The following CNTNAP2 variants were observed in gnomAD, a reference collection of about 807,000 sequenced individuals.
CNTNAP2 encodes the protein contactin-associated protein-like 2.
CNTNAP2 carries 98 observed loss-of-function variants against 155.2 expected under a neutral mutation model. The observed-to-expected ratio is 0.63, with a 90% confidence interval of 0.54 to 0.75. The LOEUF (loss-of-function observed/expected upper bound fraction) is 0.75. CNTNAP2 is among the 30% of genes least tolerant of loss of function. The pLI, the probability that CNTNAP2 is intolerant of heterozygous loss-of-function variation, is 0.00. For synonymous variants in CNTNAP2, 651 were observed against 631.2 expected (o/e 1.03, Z -0.47); for missense variants, 1,727 against 1,688.1 (o/e 1.02, Z -0.40).
intron 8 of CNTNAP2, among the ~76,000 whole-genome samples, chr7:147,286,098 CA>C (rs1328427039): frequency 6.6e-6 from 1 of 151,980 alleles, no homozygotes; most frequent in Admixed American, 6.6e-5. Context: ...ATATTGTCTA[CA>C]ATGTGTCAAA....
At chr7:147,070,795 T>C (rs187030657) in intron 4 of CNTNAP2, among the ~76,000 whole-genome samples, 193 of 152,266 alleles carry the variant, frequency 1.3e-3, no homozygotes, top group African/African-American at 4.5e-3. Flanking sequence ...AATATACTCA[T>C]ATTGTTGGCT....
In CNTNAP2 at chr7:146,892,846, C is replaced by T. The variant is rs542037531; in HGVS notation, c.402+52942C>T. Among the ~76,000 whole-genome samples the T allele has an allele frequency of 1.0e-3, 157 of 152,190 alleles. 1 individual carries two copies. The highest frequency in any genetic ancestry group is 3.5e-3 in the African/African-American group (145 of 41,492). On this transcript the variant is annotated intron_variant, in intron 3 of 23. Coordinates refer to ENST00000361727, the MANE Select transcript of CNTNAP2 (RefSeq NM_014141.6). ...TACATTCAAATGATTCAATGTTACTCAATAAGTGAATGTTTGCAAAATTAT... is the reference window on the plus strand; with the variant it reads ...TACATTCAAATGATTCAATGTTACTTAATAAGTGAATGTTTGCAAAATTAT...
At chr7:147,960,469 T>C (rs1801097322) in intron 14 of CNTNAP2, among the ~76,000 whole-genome samples, 2 of 152,196 alleles carry the variant, frequency 1.3e-5, no homozygotes, top group African/African-American at 4.8e-5. Flanking sequence ...TTATAACACA[T>C]TTTAAATCTT....
At chr7:147,114,458 G>A (rs1800944404) in intron 5 of CNTNAP2, among the ~76,000 whole-genome samples, 2 of 152,156 alleles carry the variant, frequency 1.3e-5, no homozygotes, top group Admixed American at 1.3e-4. Flanking sequence ...TCTCTTTGAA[G>A]ATCTCTAAGA....
chr7:146,385,958 A>G (rs1333573948), intron 1 of CNTNAP2, among the ~76,000 whole-genome samples: 1 of 152,282 alleles, frequency 6.6e-6, no homozygotes, highest in South Asian at 2.1e-4. Flanking sequence ...TCATAAGCAT[A>G]TCACATACAA....
intron 15 of CNTNAP2, among the ~76,000 whole-genome samples, chr7:147,981,359 C>A (rs906004360): frequency 3.9e-5 from 6 of 152,206 alleles, no homozygotes; most frequent in Non-Finnish European, 7.3e-5. Flanking sequence ...ATAGTACAAA[C>A]ATTATAGGGA....
intron 1 of CNTNAP2, among the ~76,000 whole-genome samples, chr7:146,181,869 G>A (rs905564596): frequency 6.6e-6 from 1 of 152,126 alleles, no homozygotes; most frequent in Non-Finnish European, 1.5e-5. Context: ...CACAAGTAGA[G>A]TGCATGGCAC....
At chr7:148,272,808 A>G (rs1272990147) in intron 21 of CNTNAP2, among the ~76,000 whole-genome samples, 1 of 152,240 alleles carries the variant, frequency 6.6e-6, no homozygotes, top group Non-Finnish European at 1.5e-5. Flanking sequence ...AATCATGTCC[A>G]GAGCGAGGGT....
intron 3 of CNTNAP2, among the ~76,000 whole-genome samples, chr7:146,875,962 CAAAAAA>C (rs1795419466): frequency 2.7e-5 from 2 of 74,892 alleles, no homozygotes; most frequent in Non-Finnish European, 5.5e-5. Context: ...AAAAAAAAAA[CAAAAAA>C]CAAAAAAACG....
chr7:147,446,683 T>C (rs1453689707), intron 10 of CNTNAP2, among the ~76,000 whole-genome samples: 1 of 152,250 alleles, frequency 6.6e-6, no homozygotes, highest in East Asian at 1.9e-4. Context: ...AGCTTTAACA[T>C]ACAGTGAGTA....
chr7:146,392,597 G>A (rs1795560692), intron 1 of CNTNAP2, among the ~76,000 whole-genome samples: 1 of 152,166 alleles, frequency 6.6e-6, no homozygotes, highest in African/African-American at 2.4e-5. Flanking sequence ...AATACTAAAT[G>A]CTCATTCTGG....
At chr7:148,185,134 A>G (rs1333694126) in intron 18 of CNTNAP2, among the ~76,000 whole-genome samples, 1 of 152,184 alleles carries the variant, frequency 6.6e-6, no homozygotes, top group African/African-American at 2.4e-5. Flanking sequence ...CTCTCTGTAC[A>G]GCACTGAAAT....
At chr7:146,774,472 A>T (rs1250782539) in intron 2 of CNTNAP2, 91 bp downstream of exon 2, 1 of 905,862 alleles carries the variant, frequency 1.1e-6, no homozygotes, top group Non-Finnish European at 1.7e-6. Flanking sequence ...CACACAACAG[A>T]TGTTGGCAGA....
chr7:146,264,612 A>C (rs1799966375), intron 1 of CNTNAP2, among the ~76,000 whole-genome samples: 1 of 152,208 alleles, frequency 6.6e-6, no homozygotes, highest in Non-Finnish European at 1.5e-5. Flanking sequence ...GAAAACAGAG[A>C]CATGAGGAAA....
intron 21 of CNTNAP2, among the ~76,000 whole-genome samples, chr7:148,276,374 A>T (rs1240236334): frequency 6.6e-6 from 1 of 152,170 alleles, no homozygotes; most frequent in Non-Finnish European, 1.5e-5. Context: ...CCACCAGGAC[A>T]CTCTGGAAGA....
In CNTNAP2 at chr7:146,173,883, C is replaced by T. The variant is rs151304001; in HGVS notation, c.97+56910C>T. On this transcript the variant is annotated intron_variant, in intron 1 of 23. Transcript: ENST00000361727. Reference sequence around the variant, plus strand: ...AGCAGTAGCTATTACCAATGCACAGCTCTGAATGACTAAATATCTCAATCA... The same window carrying T: ...AGCAGTAGCTATTACCAATGCACAGTTCTGAATGACTAAATATCTCAATCA... Among the ~76,000 whole-genome samples the T allele has an allele frequency of 8.5e-5, 13 of 152,258 alleles. No homozygotes were observed. In the East Asian group the frequency reaches 2.3e-3, roughly 27 times the overall value.
Position 146,349,451 on chromosome 7 carries a change from AT to A in CNTNAP2, c.97+232479del, listed in dbSNP as rs1338605956. Among the ~76,000 whole-genome samples the A allele has an allele frequency of 2.0e-5, 3 of 152,324 alleles. No individual in the cohort carries two copies. In the East Asian group the frequency reaches 5.8e-4, roughly 29 times the overall value. Reference sequence around the variant, plus strand: ...CGAAGAGCTAATTGCAAACTTATGCATCTATAAAAATTTTCATTTAAAGTTA... The same window carrying A: ...CGAAGAGCTAATTGCAAACTTATGCACTATAAAAATTTTCATTTAAAGTTA... On this transcript the variant is annotated intron_variant, in intron 1 of 23. Transcript: ENST00000361727.
chr7:147,051,066 T>A (rs1038467656), intron 4 of CNTNAP2, among the ~76,000 whole-genome samples: 1 of 151,908 alleles, frequency 6.6e-6, no homozygotes, highest in African/African-American at 2.4e-5. Flanking sequence ...GATGACCTTA[T>A]CTTAACAAGC....
At chr7:147,978,115 C>A (rs1436979637) in intron 15 of CNTNAP2, 126 bp downstream of exon 15, 1 of 1,301,106 alleles carries the variant, frequency 7.7e-7, no homozygotes, top group Non-Finnish European at 1.1e-6. Context: ...ATCACACAAC[C>A]CAAGCAGAGA....
Sources: gnomAD v4.1 joint callset for allele counts (sites outside exome capture counted in the v4.1 genomes callset) on GRCh38, gnomAD v4.1.1 for gene constraint, MANE v1.5 for transcripts, NCBI Gene and HGNC (gene_info 2026-07-23, HGNC 2026-07-21) for gene names.